The following ZNF609 variants were observed in gnomAD, a reference collection of about 807,000 sequenced individuals.
ZNF609 encodes zinc finger protein 609.
A neutral mutation model predicts 109.5 loss-of-function variants in ZNF609; 11 were observed. The ratio of observed to expected loss-of-function variants is 0.10; its 90% CI spans 0.06 to 0.17. The LOEUF is 0.17. Ranked by LOEUF, ZNF609 falls within the 10% of genes least tolerant of loss-of-function variation. The pLI is 1.00. For missense variants in ZNF609, 1,559 were observed against 1,772.4 expected, an observed-to-expected ratio of 0.88 and a Z score of 2.16; for synonymous variants, 646 against 662.0, an observed-to-expected ratio of 0.98 and a Z score of 0.37.
rs147834142 is a variant in ZNF609 at position 64,636,868 on chromosome 15, G to A, written c.973+13816G>A. Among the ~76,000 whole-genome samples the A allele has an allele frequency of 1.4e-3, 216 of 152,244 alleles. 1 individual carries two copies. The highest frequency in any genetic ancestry group is 2.5e-3 in the Non-Finnish European group (170 of 68,006). Reference sequence around the variant, plus strand: ...TATCTTCCCAGCCACTTGTCTACAGGAGTCACAAACCCAAAGGTTTTGTTT... The same window carrying A: ...TATCTTCCCAGCCACTTGTCTACAGAAGTCACAAACCCAAAGGTTTTGTTT... On this transcript the variant is annotated intron_variant, in intron 3 of 9. Transcript: ENST00000326648.
intron 2 of ZNF609, among the ~76,000 whole-genome samples, chr15:64,604,551 A>G (rs1895562907): frequency 6.6e-6 from 1 of 152,208 alleles, no homozygotes; most frequent in Non-Finnish European, 1.5e-5. Context: ...CCTTTGGTCC[A>G]TTCTTGTTCA....
intron 3 of ZNF609, among the ~76,000 whole-genome samples, chr15:64,663,420 G>A (rs1345079315): frequency 2.0e-5 from 3 of 152,132 alleles, no homozygotes; most frequent in African/African-American, 7.2e-5. Flanking sequence ...GTTGTTCTTG[G>A]AGGAGAGGGT....
intron 2 of ZNF609, among the ~76,000 whole-genome samples, chr15:64,601,433 G>A (rs1349408813): frequency 6.6e-6 from 1 of 152,132 alleles, no homozygotes; most frequent in African/African-American, 2.4e-5. Flanking sequence ...GCTAATGAGG[G>A]TAGAACTAAG....
In ZNF609 at chr15:64,577,262, CA is replaced by C. The variant is rs1190837230; in HGVS notation, c.748-45562del. Reference sequence around the variant, plus strand: ...ACATATATATGTATATATATACACACAAATATATACATATATGTATATATAT... The same window carrying C: ...ACATATATATGTATATATATACACACAATATATACATATATGTATATATAT... On this transcript the variant is annotated intron_variant, in intron 2 of 9. Transcript: ENST00000326648. Among the ~76,000 whole-genome samples, 21 of 94,450 alleles carry C rather than the reference CA, an allele frequency of 2.2e-4. 10 individuals are homozygous for C. The highest frequency in any genetic ancestry group is 3.2e-4 in the Admixed American group (2 of 6,226). 62.0% of individuals were successfully genotyped at this position (94,450 alleles called of 152,430 possible). A position where few individuals can be genotyped will look rare whatever the true frequency, so the allele number is the denominator to read the frequency against.
chr15:64,493,324 C>G (rs967712115), intron 1 of ZNF609, among the ~76,000 whole-genome samples: 5 of 151,994 alleles, frequency 3.3e-5, no homozygotes, highest in Non-Finnish European at 5.9e-5. Context: ...GAAGGAGAGG[C>G]CTTGTTCATT....
At chr15:64,604,402 G>A (rs2140951643) in intron 2 of ZNF609, among the ~76,000 whole-genome samples, 1 of 152,268 alleles carries the variant, frequency 6.6e-6, no homozygotes, top group South Asian at 2.1e-4. Context: ...TGATATTCTT[G>A]ATGACATGTT....
Position 64,478,029 on chromosome 15 carries a change from T to C in ZNF609, c.-128+17191T>C, listed in dbSNP as rs77401693. Among the ~76,000 whole-genome samples, 3 of 152,314 alleles carry C rather than the reference T, an allele frequency of 2.0e-5. No individual in the cohort carries two copies. In the East Asian group the frequency reaches 5.8e-4, roughly 29 times the overall value. Reference sequence around the variant, plus strand: ...ATGCCATTTGATGTAGCTGAGGATATATTGGGACCCATTTACTCTGTTTTT... The same window carrying C: ...ATGCCATTTGATGTAGCTGAGGATACATTGGGACCCATTTACTCTGTTTTT... On this transcript the variant is annotated intron_variant, in intron 1 of 9. Coordinates refer to ENST00000326648, the MANE Select transcript of ZNF609 (RefSeq NM_015042.2).
At chr15:64,465,604 C>T (rs1488153067) in intron 1 of ZNF609, among the ~76,000 whole-genome samples, 1 of 151,982 alleles carries the variant, frequency 6.6e-6, no homozygotes, top group Non-Finnish European at 1.5e-5. Context: ...TGCTGTAGAG[C>T]TCCTGACCTC....
At chr15:64,658,261 G>T (rs1896519673) in intron 3 of ZNF609, among the ~76,000 whole-genome samples, 1 of 151,830 alleles carries the variant, frequency 6.6e-6, no homozygotes, top group African/African-American at 2.4e-5. Flanking sequence ...GCAATGGCAC[G>T]ATCTCGGCTC....
At chr15:64,534,364 T>C (rs536739173) in intron 2 of ZNF609, among the ~76,000 whole-genome samples, 1 of 150,066 alleles carries the variant, frequency 6.7e-6, no homozygotes, top group East Asian at 2.0e-4. Context: ...CAGGCTGGAG[T>C]GCAGTGGTGT....
intron 2 of ZNF609, among the ~76,000 whole-genome samples, chr15:64,617,105 G>A (rs1236971311): frequency 3.3e-5 from 5 of 151,962 alleles, no homozygotes; most frequent in Admixed American, 3.3e-4. Flanking sequence ...ACTGCGTCCG[G>A]CCTTAAACTG....
intron 2 of ZNF609, among the ~76,000 whole-genome samples, chr15:64,514,087 C>CA (rs371289323): frequency 0.075 from 7,243 of 96,916 alleles, 250 homozygotes; most frequent in South Asian, 0.12. Context: ...GCAAGACCCT[C>CA]AAAAAAAAAA....
At chr15:64,649,694 T>A (rs963831062) in intron 3 of ZNF609, among the ~76,000 whole-genome samples, 1 of 152,150 alleles carries the variant, frequency 6.6e-6, no homozygotes, top group Admixed American at 6.5e-5. Flanking sequence ...TTATCTCTTC[T>A]AATAAAGCAT....
Position 64,680,521 on chromosome 15 carries a change from C to T in ZNF609, c.3946-125C>T, listed in dbSNP as rs1420534643. 5.5e-6 allele frequency: 7 copies of T among 1,273,124 alleles called. No homozygotes were observed. In the Middle Eastern group the frequency reaches 8.2e-4, roughly 149 times the overall value. The allele number at this position is 1,273,124 out of a possible 1,614,324, so 78.9% of individuals were successfully genotyped here. On this transcript the variant is annotated intron_variant, in intron 7 of 9. Coordinates refer to ENST00000326648, the MANE Select transcript of ZNF609 (RefSeq NM_015042.2). The stretch of plus-strand genomic sequence containing the variant: ...ATCTTCTTTATTCTTAGGTATCTTG[C>T]ACTTTTAGGGGTCATAAGGTGGCAC...
intron 3 of ZNF609, among the ~76,000 whole-genome samples, chr15:64,625,672 C>T (rs545153613): frequency 2.6e-5 from 4 of 151,420 alleles, no homozygotes; most frequent in Middle Eastern, 3.4e-3. Context: ...GGGCGGATCA[C>T]GAGGTCAGGA....
At chr15:64,561,552 C>CTTTTTTTTTTTTTTTTTTTT (rs771022478) in intron 2 of ZNF609, among the ~76,000 whole-genome samples, 14 of 129,880 alleles carry the variant, frequency 1.1e-4, no homozygotes, top group Non-Finnish European at 1.7e-4. Flanking sequence ...TTTTCTTTTT[C>CTTTTTTTTTTTTTTTTTTTT]TTTTTTTTTT....
At position 64,500,266 on chromosome 15, in the gene ZNF609, G is replaced by C. The variant is rs774187501; in HGVS notation, c.747+100G>C. 3.8e-5 allele frequency: 56 copies of C among 1,471,758 alleles called. 1 individual carries two copies. The South Asian group carries it at 6.5e-4, about 17-fold the overall frequency. 91.2% of individuals were successfully genotyped at this position (1,471,758 alleles called of 1,614,324 possible). A position where few individuals can be genotyped will look rare whatever the true frequency, so the allele number is the denominator to read the frequency against. On this transcript the variant is annotated intron_variant, in intron 2 of 9. Transcript: ENST00000326648. The stretch of plus-strand genomic sequence containing the variant: ...TGTACTCTGTGGGAGGCTCATTAGT[G>C]TGTGGGTAATGACCAATTACAAGGT...
intron 3 of ZNF609, among the ~76,000 whole-genome samples, chr15:64,629,357 T>C (rs756724497): frequency 6.6e-6 from 1 of 152,190 alleles, no homozygotes; most frequent in Non-Finnish European, 1.5e-5. Context: ...GAGTTAGGAA[T>C]GGCATTTAGC....
intron 2 of ZNF609, chr15:64,593,341 A>G: frequency 4.8e-6 from 6 of 1,247,216 alleles, no homozygotes; most frequent in East Asian, 4.6e-5. Flanking sequence ...GTGAGTTCTT[A>G]AAGACTGAAG....
Sources: allele counts gnomAD v4.1 joint callset (sites outside exome capture counted in the v4.1 genomes callset), GRCh38; gene constraint gnomAD v4.1.1; transcripts MANE v1.5; gene names NCBI Gene and HGNC (gene_info 2026-07-23, HGNC 2026-07-21).